The following ALCAM variants were observed in gnomAD, a reference collection of about 807,000 sequenced individuals.
ALCAM encodes the protein CD166 antigen.
A neutral mutation model predicts 70.9 loss-of-function variants in ALCAM; 30 were observed. The observed-to-expected ratio is 0.42, with a 90% CI of 0.32 to 0.57. The LOEUF is 0.57. Among genes scored for constraint, ALCAM ranks in the 20% least tolerant of loss-of-function variants. ALCAM has a pLI of 0.11. For missense variants in ALCAM, 591 were observed against 695.1 expected, an observed-to-expected ratio of 0.85 and a Z score of 1.68; for synonymous variants, 249 against 242.5, an observed-to-expected ratio of 1.03 and a Z score of -0.25.
rs371542648 is a variant in ALCAM, at chr3:105,511,785, G to A, written c.74-8282G>A. On this transcript the variant is annotated intron_variant, in intron 1 of 15. Coordinates refer to ENST00000306107, the MANE Select transcript of ALCAM (RefSeq NM_001627.4). ...TTTCAACTGATATAAACATTTTTCAGTATGAGGTTAGATACTTAATGTGGA... is the reference window on the plus strand; with the variant it reads ...TTTCAACTGATATAAACATTTTTCAATATGAGGTTAGATACTTAATGTGGA... Among the ~76,000 whole-genome samples the A allele has an allele frequency of 6.8e-4, 104 of 152,042 alleles. 1 individual carries two copies. The highest frequency in any genetic ancestry group is 2.4e-3 in the African/African-American group (99 of 41,516).
chr3:105,466,471 G>T (rs568529565), intron 1 of ALCAM, among the ~76,000 whole-genome samples: 1 of 151,526 alleles, frequency 6.6e-6, no homozygotes, highest in East Asian at 1.9e-4. Flanking sequence ...TGTACAAGAA[G>T]TGTTTAAGTG....
intron 1 of ALCAM, among the ~76,000 whole-genome samples, chr3:105,397,191 T>A (rs1343364946): frequency 6.6e-6 from 1 of 152,122 alleles, no homozygotes; most frequent in Non-Finnish European, 1.5e-5. Flanking sequence ...TCTTGGCATT[T>A]GTTCCCTTAT....
At chr3:105,524,174 G>T (rs867152890) in intron 2 of ALCAM, 115 bp from the exon 3 acceptor site, 11 of 888,386 alleles carry the variant, frequency 1.2e-5, no homozygotes, top group Admixed American at 2.9e-5. Flanking sequence ...ATTATTCTTC[G>T]TAGACAAAAA....
chr3:105,402,454 G>T (rs1350986726), intron 1 of ALCAM, among the ~76,000 whole-genome samples: 2 of 152,174 alleles, frequency 1.3e-5, no homozygotes, highest in East Asian at 1.9e-4. Context: ...GAGTCAGCTT[G>T]CTTTCTCAAT....
At chr3:105,434,974 T>C (rs1233579821) in intron 1 of ALCAM, among the ~76,000 whole-genome samples, 2 of 152,184 alleles carry the variant, frequency 1.3e-5, no homozygotes, top group Non-Finnish European at 2.9e-5. Context: ...GAAACTGTTG[T>C]ATGAAAATAA....
intron 1 of ALCAM, among the ~76,000 whole-genome samples, chr3:105,462,766 ATTAG>A (rs1180890386): frequency 6.6e-6 from 1 of 151,314 alleles, no homozygotes; most frequent in Admixed American, 6.6e-5. Flanking sequence ...TGCCAAAGAG[ATTAG>A]TTAAAGGCTA....
At chr3:105,414,498 G>T (rs190626547) in intron 1 of ALCAM, among the ~76,000 whole-genome samples, 42 of 152,204 alleles carry the variant, frequency 2.8e-4, no homozygotes, top group African/African-American at 9.4e-4. Context: ...TGTCTGAATG[G>T]AGTGAATTGG....
chr3:105,472,981 T>C (rs781146224), intron 1 of ALCAM, among the ~76,000 whole-genome samples: 6 of 151,476 alleles, frequency 4.0e-5, no homozygotes, highest in Admixed American at 6.6e-5. Flanking sequence ...AGTAATTTTT[T>C]AATAACTATT....
chr3:105,387,712 A>G (rs937229144), intron 1 of ALCAM, among the ~76,000 whole-genome samples: 4 of 151,528 alleles, frequency 2.6e-5, no homozygotes, highest in Non-Finnish European at 4.4e-5. Flanking sequence ...GGCTTTTAGT[A>G]GTGATCAGTG....
chr3:105,465,034 G>A (rs944832455), intron 1 of ALCAM, among the ~76,000 whole-genome samples: 1 of 151,130 alleles, frequency 6.6e-6, no homozygotes, highest in African/African-American at 2.4e-5. Context: ...AAATAATATG[G>A]TATATACTTA....
At chr3:105,370,623 T>A (rs1209947680) in intron 1 of ALCAM, among the ~76,000 whole-genome samples, 1 of 152,154 alleles carries the variant, frequency 6.6e-6, no homozygotes, top group African/African-American at 2.4e-5. Context: ...ATATAAATTG[T>A]ATTATTAGAA....
intron 1 of ALCAM, among the ~76,000 whole-genome samples, chr3:105,519,699 A>G (rs1036586022): frequency 3.3e-5 from 5 of 152,272 alleles, no homozygotes; most frequent in Middle Eastern, 3.4e-3. Flanking sequence ...GTAGTCCCAC[A>G]TTTCTATAAA....
At chr3:105,537,821 G>A (rs1243292923) in intron 6 of ALCAM, among the ~76,000 whole-genome samples, 1 of 151,952 alleles carries the variant, frequency 6.6e-6, no homozygotes, top group Non-Finnish European at 1.5e-5. Context: ...ATTGAGGCAG[G>A]GTTTTCAACT....
At chr3:105,555,461 AC>A (rs1334218067) in intron 14 of ALCAM, among the ~76,000 whole-genome samples, 1 of 152,038 alleles carries the variant, frequency 6.6e-6, no homozygotes, top group African/African-American at 2.4e-5. Context: ...AGTCTTCTTA[AC>A]CCTTCAAGCT....
chr3:105,477,591 T>G (rs777347330), intron 1 of ALCAM, among the ~76,000 whole-genome samples: 2 of 152,112 alleles, frequency 1.3e-5, no homozygotes, highest in Admixed American at 6.6e-5. Flanking sequence ...CTACTTAAAC[T>G]GCTTGGGATT....
Position 105,381,444 on chromosome 3 carries a change from G to A in ALCAM, c.73+13963G>A, listed in dbSNP as rs1488245499. ...GCGTAACCTTGAATCTACTCACTCT[G>A]TAAAACAAATAAACCATTCACAAAC... On this transcript the variant is annotated intron_variant, in intron 1 of 15. Coordinates refer to ENST00000306107, the MANE Select transcript of ALCAM (RefSeq NM_001627.4). 4.0e-5 allele frequency among the ~76,000 whole-genome samples: 6 copies of A among 151,846 alleles called. No homozygotes were observed. The East Asian group carries it at 1.2e-3, about 29-fold the overall frequency.
At chr3:105,396,059 G>C (rs189720500) in intron 1 of ALCAM, among the ~76,000 whole-genome samples, 227 of 152,102 alleles carry the variant, frequency 1.5e-3, no homozygotes, top group South Asian at 6.4e-3. Context: ...AAGAAGCCTT[G>C]GGATGTGCTA....
chr3:105,494,032 AAATT>A (rs1409142527), intron 1 of ALCAM, among the ~76,000 whole-genome samples: 7 of 151,060 alleles, frequency 4.6e-5, no homozygotes, highest in African/African-American at 9.8e-5. Flanking sequence ...GATGTCCTTA[AAATT>A]ATTAGAAAAC....
chr3:105,480,524 C>A (rs1938242793), intron 1 of ALCAM, among the ~76,000 whole-genome samples: 1 of 151,978 alleles, frequency 6.6e-6, no homozygotes, highest in South Asian at 2.1e-4. Context: ...GAGAATGAAA[C>A]AGAATTCTGC....
Sources: gnomAD v4.1 joint callset for allele counts (sites outside exome capture counted in the v4.1 genomes callset) on GRCh38, gnomAD v4.1.1 for gene constraint, MANE v1.5 for transcripts, NCBI Gene and HGNC (gene_info 2026-07-23, HGNC 2026-07-21) for gene names.